SNED1: variants seen among roughly 807,000 people sequenced by gnomAD.
SNED1 encodes sushi, nidogen and EGF-like domain-containing protein 1.
SNED1 carries 81 observed loss-of-function variants against 166.7 expected under a neutral mutation model. The observed-to-expected ratio is 0.49, with a 90% confidence interval of 0.41 to 0.58. SNED1 has a LOEUF of 0.58. Ranked by LOEUF, SNED1 falls within the 20% of genes least tolerant of loss-of-function variation. The probability of loss-of-function intolerance (pLI) is 0.00; values close to 1 mark genes in which losing one functional copy is unlikely to be tolerated. For synonymous variants in SNED1, 762 were observed against 822.0 expected (o/e 0.93, Z 1.25); for missense variants, 1,604 against 2,000.2 (o/e 0.80, Z 3.78).
chr2:241,081,664 C>T lies in SNED1; in HGVS notation c.3917-13C>T, dbSNP rs757076530. 61 of 1,576,492 alleles carry T rather than the reference C, an allele frequency of 3.9e-5. No homozygotes were observed. Among genetic ancestry groups the T allele is most frequent in the Admixed American group, 9.0e-5 (5 of 55,440 alleles). On this transcript the variant is annotated splice_polypyrimidine_tract_variant and intron_variant, in intron 27 of 31. Coordinates refer to ENST00000310397, the MANE Select transcript of SNED1 (RefSeq NM_001080437.3). ...GGTTCCAGTGACTAACCTCTCGTGA[C>T]CTCTGTTTCCAGACGTCCCTGGCAA...
intron 1 of SNED1, among the ~76,000 whole-genome samples, chr2:241,029,748 G>C (rs553043766): frequency 1.3e-5 from 2 of 152,232 alleles, no homozygotes; most frequent in South Asian, 2.1e-4. Flanking sequence ...CCGAGCACAG[G>C]CTCCCCTACT....
intron 1 of SNED1, chr2:241,009,944 G>A (rs60022094): frequency 0.1 from 15,773 of 152,288 alleles, 1,666 homozygotes; most frequent in East Asian, 0.25. Flanking sequence ...CTTCAGCCCC[G>A]GAGGCCCTGC....
chr2:241,008,209 T>C (rs565910835), intron 1 of SNED1, among the ~76,000 whole-genome samples: 51 of 152,238 alleles, frequency 3.4e-4, no homozygotes, highest in African/African-American at 1.2e-3. Flanking sequence ...AGATCCCAAG[T>C]GGGGGAACAG....
chr2:241,087,493 G>A lies in SNED1; in HGVS notation c.4205+18G>A, dbSNP rs1279371383. 3.8e-6 allele frequency: 6 copies of A among 1,590,494 alleles called. No individual in the cohort carries two copies. The highest frequency in any genetic ancestry group is 4.3e-6 in the Non-Finnish European group (5 of 1,168,710). On this transcript the variant is annotated intron_variant, in intron 30 of 31. Coordinates refer to ENST00000310397, the MANE Select transcript of SNED1 (RefSeq NM_001080437.3). ...CCAAACAGGTGCCTCTGGGGAGCAG[G>A]CCCATGCCGTGTCCTGCATGTAGCC...
rs1454780301 is a variant in SNED1 at position 241,073,305 on chromosome 2, C to A, written c.3857C>A (p.Ala1286Asp). Residue 1286 changes from alanine (A) to aspartate (D), a missense_variant, in exon 27 of 32, where the codon GCC becomes GAC. Ala to Asp is a moderately radical substitution (Grantham distance 126). This residue lies in a region of SNED1 where 367 missense variants were observed against 379.4 expected (regional missense o/e 0.97). Transcript: ENST00000310397. This position sits in a 1 kb window ranked among gnomAD's most constrained non-coding sequence, Gnocchi z 6.6. ...GCGCAGCTCGAGAACATGGAGGAAG[C>A]CCCCAAGCGGGTCAGCCTGGCCCTC... is the stretch of plus-strand genomic sequence containing the variant. Reference protein sequence around the residue: ...ASAQLENMEEAPKRVSLALQL... With the variant: ...ASAQLENMEEDPKRVSLALQL... The A allele has an allele frequency of 1.9e-6, 3 of 1,571,556 alleles. No individual in the cohort carries two copies. The highest frequency in any genetic ancestry group is 1.7e-6 in the Non-Finnish European group (2 of 1,159,750).
intron 27 of SNED1, among the ~76,000 whole-genome samples, chr2:241,079,387 G>C (rs1250314267): frequency 1.3e-5 from 2 of 151,262 alleles, no homozygotes; most frequent in African/African-American, 4.9e-5. Context: ...ACTCCAGCCT[G>C]GGCGACAGAG....
At chr2:241,012,307 G>A (rs1399543385) in intron 1 of SNED1, among the ~76,000 whole-genome samples, 1 of 152,136 alleles carries the variant, frequency 6.6e-6, no homozygotes, top group African/African-American at 2.4e-5. Flanking sequence ...TGCCAAAAAG[G>A]GTACAAAACA....
rs1251577490 is a variant in SNED1, at chr2:240,999,677, G to T, written c.213+627G>T. On this transcript the variant is annotated intron_variant, in intron 1 of 31. Coordinates refer to ENST00000310397, the MANE Select transcript of SNED1 (RefSeq NM_001080437.3). The surrounding 1 kb of genome is among the most constrained non-coding windows in gnomAD (Gnocchi z 5.8). The stretch of plus-strand genomic sequence containing the variant: ...TCAGACTCTCCAAACAGGACTCCCA[G>T]TGGGACTCCTGGGGCCAGGGACTCA... 6.6e-6 allele frequency among the ~76,000 whole-genome samples: 1 copy of T among 152,186 alleles called. No homozygotes were observed. Among genetic ancestry groups the T allele is most frequent in the Non-Finnish European group, 1.5e-5 (1 of 68,016 alleles).
intron 1 of SNED1, among the ~76,000 whole-genome samples, chr2:241,017,582 C>T (rs1262538349): frequency 2.0e-5 from 3 of 152,262 alleles, no homozygotes; most frequent in Non-Finnish European, 4.4e-5. Flanking sequence ...AGAGGCACAG[C>T]AGAGTGCCTC....
rs563204287 is a variant in SNED1 at position 241,068,024 on chromosome 2, G to A, written c.3194+77G>A. On this transcript the variant is annotated intron_variant, in intron 22 of 31. Transcript: ENST00000310397. The surrounding 1 kb of genome is among the most constrained non-coding windows in gnomAD (Gnocchi z 5.3). Reference sequence around the variant, plus strand: ...CTCGGGGACACGGGGCCCAGGTCTCGGGCACATTCTCCGTGTGTGGACTGT... The same window carrying A: ...CTCGGGGACACGGGGCCCAGGTCTCAGGCACATTCTCCGTGTGTGGACTGT... The A allele has an allele frequency of 5.2e-6, 7 of 1,354,380 alleles. No individual in the cohort carries two copies. Among genetic ancestry groups the A allele is most frequent in the East Asian group, 2.4e-5 (1 of 41,444 alleles). 83.9% of individuals were successfully genotyped at this position (1,354,380 alleles called of 1,614,324 possible). A position where few individuals can be genotyped will look rare whatever the true frequency, so the allele number is the denominator to read the frequency against.
chr2:241,048,039 C>A (rs931232687), intron 8 of SNED1, among the ~76,000 whole-genome samples: 9 of 151,834 alleles, frequency 5.9e-5, no homozygotes, highest in African/African-American at 2.2e-4. Context: ...TTGTTCTGTC[C>A]AATCCTGGGT....
chr2:241,026,619 C>A (rs1454468023), intron 1 of SNED1, among the ~76,000 whole-genome samples: 2 of 152,118 alleles, frequency 1.3e-5, no homozygotes. Flanking sequence ...TTCTTAATTT[C>A]TGTTATTTAG....
chr2:241,045,328 AAG>A (rs910235612), intron 8 of SNED1, among the ~76,000 whole-genome samples: 3 of 152,234 alleles, frequency 2.0e-5, no homozygotes, highest in Admixed American at 6.5e-5. Flanking sequence ...TGGCAAGAAA[AAG>A]AATTTAGAAA....
chr2:241,016,188 A>ATTTTTTTTTTTTTTTTT (rs1181068532), intron 1 of SNED1, among the ~76,000 whole-genome samples: 1 of 68,646 alleles, frequency 1.5e-5, no homozygotes, highest in African/African-American at 5.8e-5. Flanking sequence ...GTCATGGTGG[A>ATTTTTTTTTTTTTTTTT]TTTTTTTTTT....
At chr2:241,003,029 CAG>C (rs1294538965) in intron 1 of SNED1, among the ~76,000 whole-genome samples, 2 of 152,032 alleles carry the variant, frequency 1.3e-5, no homozygotes, top group African/African-American at 4.8e-5. Flanking sequence ...CTCCTCTGTG[CAG>C]AGTGACCAAG....
rs2060301007 is a variant in SNED1 at position 241,008,864 on chromosome 2, G to A, written c.213+9814G>A. 2.6e-5 allele frequency among the ~76,000 whole-genome samples: 4 copies of A among 152,362 alleles called. No individual in the cohort carries two copies. In the South Asian group the frequency reaches 8.3e-4, roughly 32 times the overall value. ...CCCAATGCCTCCACACAGGAGGGCA[G>A]CCCAGGATCACACTGTCCTCTGAGC... On this transcript the variant is annotated intron_variant, in intron 1 of 31. Transcript: ENST00000310397.
chr2:241,036,887 G>T lies in SNED1; in HGVS notation c.903G>T (p.Ser301=). The T allele has an allele frequency of 6.2e-7, 1 of 1,611,354 alleles. No homozygotes were observed. The change falls in exon 5 of 32, where the codon TCG becomes TCT. Residue 301 remains serine (S), a synonymous_variant. Transcript: ENST00000310397. ...CCTCCTACACCTGCTCCTGCCTCTCGGGCTTCACGGGGCGGAGGTGCCACC... is the reference window on the plus strand; with the variant it reads ...CCTCCTACACCTGCTCCTGCCTCTCTGGCTTCACGGGGCGGAGGTGCCACC... ...GNPSYTCSCL[S]GFTGRRCHLD...
rs1284059697 is a variant in SNED1, at chr2:241,069,661, CG to C, written c.3308-256del. ...GTGCCGCAGGGAGGGCGCCAGCTGA[CG>C]GGCCAGGGCCTGGGGGCTTCACAGG... On this transcript the variant is annotated intron_variant, in intron 23 of 31. Coordinates refer to ENST00000310397, the MANE Select transcript of SNED1 (RefSeq NM_001080437.3). This position sits in a 1 kb window ranked among gnomAD's most constrained non-coding sequence, Gnocchi z 4.9. Among the ~76,000 whole-genome samples, 2 of 152,068 alleles carry C rather than the reference CG, an allele frequency of 1.3e-5. No homozygotes were observed. Among genetic ancestry groups the C allele is most frequent in the Admixed American group, 6.5e-5 (1 of 15,286 alleles).
chr2:241,030,304 C>T lies in SNED1; in HGVS notation c.234C>T (p.Ile78=). 6.3e-7 allele frequency: 1 copy of T among 1,596,252 alleles called. No homozygotes were observed. Among genetic ancestry groups the T allele is most frequent in the Non-Finnish European group, 8.5e-7 (1 of 1,169,812 alleles). ...SGLYVNNNGI[I]SFLKEVSQFT... ...CCCAGGTGAACAACAACGGGATCATCTCCTTCCTGAAGGAGGTTTCTCAGT... is the reference window on the plus strand; with the variant it reads ...CCCAGGTGAACAACAACGGGATCATTTCCTTCCTGAAGGAGGTTTCTCAGT... Residue 78 remains isoleucine (I), a synonymous_variant, in exon 2 of 32, where the codon ATC becomes ATT. Transcript: ENST00000310397.
Sources: gnomAD v4.1 joint callset for allele counts (sites outside exome capture counted in the v4.1 genomes callset) on GRCh38, gnomAD v4.1.1 for gene constraint, gnomAD v4.1.1 regional missense constraint, Gnocchi (gnomAD v3.1) non-coding constraint, MANE v1.5 for transcripts, NCBI Gene and HGNC (gene_info 2026-07-23, HGNC 2026-07-21) for gene names.